The following RTN1 variants were observed in gnomAD, a reference collection of about 807,000 sequenced individuals.
RTN1 encodes reticulon 1.
RTN1 carries 25 observed loss-of-function variants against 65.5 expected under a neutral mutation model. The observed-to-expected ratio is 0.38, with a 90% CI of 0.28 to 0.53. RTN1 has a LOEUF of 0.53. RTN1 is among the 20% of genes least tolerant of loss of function. RTN1 has a pLI of 0.79. For synonymous variants in RTN1, 471 were observed against 447.6 expected, an observed-to-expected ratio of 1.05 and a Z score of -0.66; for missense variants, 983 against 1,025.4, an observed-to-expected ratio of 0.96 and a Z score of 0.57.
chr14:59,808,778 T>G (rs1886679467), intron 1 of RTN1, among the ~76,000 whole-genome samples: 1 of 152,134 alleles, frequency 6.6e-6, no homozygotes, highest in Non-Finnish European at 1.5e-5. Context: ...TGAGTTCTCA[T>G]GCAACCTGGT....
chr14:59,632,812 G>C (rs1433300939), intron 3 of RTN1, among the ~76,000 whole-genome samples: 1 of 152,062 alleles, frequency 6.6e-6, no homozygotes, highest in African/African-American at 2.4e-5. Flanking sequence ...AGTTGACCTT[G>C]GGGCCAGGCG....
chr14:59,703,013 C>T (rs1451629579), intron 3 of RTN1, among the ~76,000 whole-genome samples: 2 of 152,144 alleles, frequency 1.3e-5, no homozygotes, highest in Non-Finnish European at 2.9e-5. Flanking sequence ...TAGCTGCTTA[C>T]CTAAGTTCTT....
chr14:59,738,452 G>A (rs1885045648), intron 2 of RTN1, among the ~76,000 whole-genome samples: 1 of 152,028 alleles, frequency 6.6e-6, no homozygotes, highest in Non-Finnish European at 1.5e-5. Context: ...CTATAATGAG[G>A]TACAATCTTA....
In RTN1 at chr14:59,678,166, G is replaced by A. The variant is rs182570811; in HGVS notation, c.1765+48753C>T. On this transcript the variant is annotated intron_variant, in intron 3 of 8. Coordinates refer to ENST00000267484, the MANE Select transcript of RTN1 (RefSeq NM_021136.3). ...GCCCAGGGACAAGTCCTGTTCTGGG[G>A]TCTGGAGGATTTGGAAGGCTGCCAA... Among the ~76,000 whole-genome samples the A allele has an allele frequency of 7.2e-5, 11 of 152,294 alleles. No individual in the cohort carries two copies. The South Asian group carries it at 1.4e-3, about 20-fold the overall frequency.
intron 2 of RTN1, among the ~76,000 whole-genome samples, chr14:59,742,814 G>A (rs1353956515): frequency 6.6e-6 from 1 of 152,166 alleles, no homozygotes; most frequent in African/African-American, 2.4e-5. Flanking sequence ...CTCAACAGAT[G>A]TAATAAAGTC....
rs964487357 is a variant in RTN1 at position 59,825,777 on chromosome 14, C to A, written c.241+44613G>T. ...CATTTTAGAGAAAATAAAACATAGA[C>A]CTCGGGTATGCCATAGAAACTAAAT... On this transcript the variant is annotated intron_variant, in intron 1 of 8. Transcript: ENST00000267484. The surrounding 1 kb of genome is among the most constrained non-coding windows in gnomAD (Gnocchi z 4.2). Among the ~76,000 whole-genome samples, 2 of 152,176 alleles carry A rather than the reference C, an allele frequency of 1.3e-5. No homozygotes were observed. Among genetic ancestry groups the A allele is most frequent in the Non-Finnish European group, 2.9e-5 (2 of 68,036 alleles).
At chr14:59,860,949 G>T (rs763926320) in intron 1 of RTN1, among the ~76,000 whole-genome samples, 2 of 152,160 alleles carry the variant, frequency 1.3e-5, no homozygotes, top group Non-Finnish European at 2.9e-5. Context: ...TAACTAAGTT[G>T]CTTTTGATTT....
chr14:59,659,212 C>A (rs1419534351), intron 3 of RTN1, among the ~76,000 whole-genome samples: 1 of 151,030 alleles, frequency 6.6e-6, no homozygotes, highest in Non-Finnish European at 1.5e-5. Flanking sequence ...AAGGAATGAA[C>A]AAAGCCTCTA....
chr14:59,802,582 A>G (rs944576177), intron 1 of RTN1, among the ~76,000 whole-genome samples: 2 of 152,350 alleles, frequency 1.3e-5, no homozygotes, highest in Admixed American at 6.5e-5. Flanking sequence ...GTGATTTTAT[A>G]TGAGATGGCA....
intron 3 of RTN1, among the ~76,000 whole-genome samples, chr14:59,656,072 T>C (rs8016930): frequency 0.42 from 64,249 of 151,996 alleles, 14,509 homozygotes; most frequent in African/African-American, 0.57. Context: ...GAAGGAAGTA[T>C]TTTGAATGAA....
intron 1 of RTN1, among the ~76,000 whole-genome samples, chr14:59,821,220 C>T (rs1886938040): frequency 6.6e-6 from 1 of 152,146 alleles, no homozygotes; most frequent in Non-Finnish European, 1.5e-5. Flanking sequence ...CTGTAAAGAT[C>T]TTTTACCTCC....
chr14:59,646,625 G>T (rs1882902289), intron 3 of RTN1, among the ~76,000 whole-genome samples: 1 of 152,170 alleles, frequency 6.6e-6, no homozygotes, highest in Non-Finnish European at 1.5e-5. Flanking sequence ...TGAAGAGATT[G>T]GGGGCCTATA....
chr14:59,719,909 T>C (rs890691626), intron 3 of RTN1, among the ~76,000 whole-genome samples: 3 of 152,200 alleles, frequency 2.0e-5, no homozygotes, highest in Non-Finnish European at 2.9e-5. Flanking sequence ...CATTTATTAA[T>C]AAATAGGATC....
intron 3 of RTN1, among the ~76,000 whole-genome samples, chr14:59,670,194 T>C (rs1431764986): frequency 6.6e-6 from 1 of 152,206 alleles, no homozygotes; most frequent in East Asian, 1.9e-4. Context: ...AGTTCCCCAC[T>C]CAAAGTTTCC....
chr14:59,726,812 A>G, intron 3 of RTN1, 107 bp downstream of exon 3: 1 of 917,358 alleles, frequency 1.1e-6, no homozygotes, highest in Admixed American at 2.8e-5. Context: ...CAACTGTTTG[A>G]TCAGCATGGG....
At chr14:59,786,109 T>G (rs1377674632) in intron 1 of RTN1, among the ~76,000 whole-genome samples, 1 of 152,134 alleles carries the variant, frequency 6.6e-6, no homozygotes, top group Non-Finnish European at 1.5e-5. Flanking sequence ...GAAGTCAATG[T>G]CCCAGTGAGG....
intron 3 of RTN1, among the ~76,000 whole-genome samples, chr14:59,665,237 G>A (rs1381884299): frequency 6.6e-6 from 1 of 152,140 alleles, no homozygotes; most frequent in Non-Finnish European, 1.5e-5. Flanking sequence ...ACTAACAGCG[G>A]ATCTCTCGGC....
chr14:59,663,576 C>T (rs1403626965), intron 3 of RTN1, among the ~76,000 whole-genome samples: 1 of 152,030 alleles, frequency 6.6e-6, no homozygotes, highest in Non-Finnish European at 1.5e-5. Flanking sequence ...TTTTTGCAAT[C>T]TGTCCATCTC....
intron 3 of RTN1, among the ~76,000 whole-genome samples, chr14:59,629,018 C>A (rs981504921): frequency 6.6e-6 from 1 of 152,172 alleles, no homozygotes; most frequent in Non-Finnish European, 1.5e-5. Context: ...ATCAAATAAA[C>A]TGGATGGATC....
Sources: gnomAD v4.1 joint callset for allele counts (sites outside exome capture counted in the v4.1 genomes callset) on GRCh38, gnomAD v4.1.1 for gene constraint, Gnocchi (gnomAD v3.1) non-coding constraint, MANE v1.5 for transcripts, NCBI Gene and HGNC (gene_info 2026-07-23, HGNC 2026-07-21) for gene names.